The following PLAAT1 variants were observed in gnomAD, a reference collection of about 807,000 sequenced individuals.
PLAAT1 encodes the protein phospholipase A and acyltransferase 1.
A neutral mutation model predicts 16.4 loss-of-function variants in PLAAT1; 13 were observed. The ratio of observed to expected loss-of-function variants is 0.79; its 90% CI spans 0.52 to 1.26. The LOEUF (loss-of-function observed/expected upper bound fraction) is 1.26, where lower values mean the gene tolerates loss of function less well. Ranked by LOEUF, PLAAT1 falls within the 50% of genes most tolerant of loss-of-function variation. The pLI is 0.00. For synonymous variants in PLAAT1, 73 were observed against 78.4 expected, an observed-to-expected ratio of 0.93 and a Z score of 0.36; for missense variants, 218 against 207.8, an observed-to-expected ratio of 1.05 and a Z score of -0.30.
downstream of PLAAT1, chr3:193,281,061 A>C: frequency 3.2e-6 from 1 of 310,408 alleles, no homozygotes; most frequent in Non-Finnish European, 4.7e-6. Context: ...AGCACGTCTC[A>C]GAAGTGCTTG....
At chr3:193,261,935 A>G (rs1716597948) in intron 2 of PLAAT1, among the ~76,000 whole-genome samples, 1 of 152,164 alleles carries the variant, frequency 6.6e-6, no homozygotes, top group Admixed American at 6.5e-5. Context: ...TCACTGGAAC[A>G]TCTCACATTC....
downstream of PLAAT1, chr3:193,281,255 G>T: frequency 2.1e-6 from 2 of 975,592 alleles, no homozygotes; most frequent in Non-Finnish European, 2.4e-6. Context: ...CTGTTCTGAT[G>T]AAGTCCTAGA....
Position 193,255,784 on chromosome 3 carries a change from CT to C in PLAAT1, c.135del (p.Val46Ter). ...LGDGYVINIAPVDGIPASFTS... is the reference protein window; with the variant it reads ...LGDGYVINIAXVDGIPASFTS... ...GATGGTTACGTTATCAACATAGCAC[CT>C]GTAGGTGAGGTTTATTTCCAGTGGC... On this transcript the variant is annotated frameshift_variant, in exon 2 of 4. Transcript: ENST00000264735. LOFTEE classifies it high-confidence loss of function. 6.3e-7 allele frequency: 1 copy of C among 1,589,790 alleles called. No individual in the cohort carries two copies. Among genetic ancestry groups the C allele is most frequent in the Non-Finnish European group, 8.6e-7 (1 of 1,166,100 alleles).
At chr3:193,260,696 AC>A (rs1190193732) in intron 2 of PLAAT1, among the ~76,000 whole-genome samples, 3 of 151,736 alleles carry the variant, frequency 2.0e-5, no homozygotes, top group African/African-American at 7.3e-5. Flanking sequence ...AAAAAAAAAA[AC>A]AGATGCTGGT....
chr3:193,244,229 A>G (rs564093520), intron 1 of PLAAT1, among the ~76,000 whole-genome samples: 3 of 152,096 alleles, frequency 2.0e-5, no homozygotes, highest in South Asian at 2.1e-4. Context: ...ATAAATCTTC[A>G]TTGTCTTTAT....
downstream of PLAAT1, among the ~76,000 whole-genome samples, chr3:193,279,706 G>T (rs933958820): frequency 6.6e-6 from 1 of 152,116 alleles, no homozygotes; most frequent in African/African-American, 2.4e-5. Flanking sequence ...TAAAGCAGCT[G>T]CCCTGGTGCA....
At chr3:193,252,591 A>G (rs991454905) in intron 1 of PLAAT1, among the ~76,000 whole-genome samples, 31 of 152,154 alleles carry the variant, frequency 2.0e-4, no homozygotes, top group African/African-American at 6.8e-4. Context: ...CCTGGTAAGG[A>G]TCATACTTTT....
chr3:193,258,663 T>G (rs1023213543), intron 2 of PLAAT1, among the ~76,000 whole-genome samples: 2 of 152,032 alleles, frequency 1.3e-5, no homozygotes, highest in African/African-American at 4.8e-5. Context: ...ATGGACAAAT[T>G]TTGAAACATA....
downstream of PLAAT1, among the ~76,000 whole-genome samples, chr3:193,280,243 T>TG (rs35173525): frequency 6.6e-6 from 1 of 152,010 alleles, no homozygotes; most frequent in Non-Finnish European, 1.5e-5. Flanking sequence ...TCCATAGAGA[T>TG]GGGGTTTCAC....
intron 2 of PLAAT1, among the ~76,000 whole-genome samples, chr3:193,260,924 A>G (rs796833420): frequency 1.2e-4 from 19 of 152,352 alleles, no homozygotes; most frequent in African/African-American, 4.6e-4. Context: ...TTATTTGCAT[A>G]GGAAGGACAT....
intron 2 of PLAAT1, among the ~76,000 whole-genome samples, chr3:193,258,501 A>C (rs150460142): frequency 4.8e-4 from 73 of 152,288 alleles, no homozygotes; most frequent in African/African-American, 1.7e-3. Context: ...TGATTGATAG[A>C]TTGCTATCTA....
chr3:193,241,151 C>T, upstream of PLAAT1: 2 of 1,163,678 alleles, frequency 1.7e-6, no homozygotes, highest in Non-Finnish European at 2.1e-6. Flanking sequence ...CGAAGCTGGG[C>T]TCGGGGCCAA....
At chr3:193,262,543 G>GTTATTAGTA (rs1716623705) in intron 2 of PLAAT1, among the ~76,000 whole-genome samples, 2 of 152,036 alleles carry the variant, frequency 1.3e-5, no homozygotes, top group Non-Finnish European at 2.9e-5. Context: ...TAATAACAGT[G>GTTATTAGTA]TACCCTACAG....
intron 1 of PLAAT1, among the ~76,000 whole-genome samples, chr3:193,252,615 G>A (rs977050727): frequency 3.3e-5 from 5 of 151,888 alleles, no homozygotes; most frequent in African/African-American, 1.2e-4. Context: ...ATCAAGTCTG[G>A]GAACTCTTTG....
intron 2 of PLAAT1, chr3:193,276,616 T>C (rs946999867): frequency 3.9e-5 from 25 of 640,368 alleles, no homozygotes; most frequent in Admixed American, 3.4e-4. Flanking sequence ...CAAAAGAATA[T>C]GTACCATTTT....
Position 193,255,740 on chromosome 3 carries a change from C to A in PLAAT1, c.90C>A (p.His30Gln), listed in dbSNP as rs753108985. The change falls in exon 2 of 4, where the codon CAC becomes CAA. Residue 30 changes from histidine to glutamine, a missense_variant. Coordinates refer to ENST00000264735, the MANE Select transcript of PLAAT1 (RefSeq NM_020386.5). Reference protein sequence around the residue: ...LIEVFRPGYQHWALYLGDGYV... With the variant: ...LIEVFRPGYQQWALYLGDGYV... Reference sequence around the variant, plus strand: ...AAGTGTTCCGTCCTGGCTATCAGCACTGGGCCCTGTACTTGGGTGATGGTT... The same window carrying A: ...AAGTGTTCCGTCCTGGCTATCAGCAATGGGCCCTGTACTTGGGTGATGGTT... 6 of 1,613,018 alleles carry A rather than the reference C, an allele frequency of 3.7e-6. No homozygotes were observed. The Admixed American group carries it at 8.3e-5, about 22-fold the overall frequency.
chr3:193,270,787 T>C lies in PLAAT1; in HGVS notation c.*82T>C. 2 of 1,505,074 alleles carry C rather than the reference T, an allele frequency of 1.3e-6. No individual in the cohort carries two copies. Among genetic ancestry groups the C allele is most frequent in the Non-Finnish European group, 1.8e-6 (2 of 1,124,178 alleles). The allele number at this position is 1,505,074 out of a possible 1,614,324, so 93.2% of individuals were successfully genotyped here. ...GGGGTGAATACTTATTTTCAGTGCA[T>C]CATTACTGTTCCAGATTCCTATGAT... On this transcript the variant is annotated 3_prime_UTR_variant, in exon 4 of 4. Coordinates refer to ENST00000264735, the MANE Select transcript of PLAAT1 (RefSeq NM_020386.5).
chr3:193,270,673 T>C lies in PLAAT1; in HGVS notation c.475T>C (p.Phe159Leu). The stretch of plus-strand genomic sequence containing the variant: ...TGGTGTCTTCTCATTCCTGGGCTTG[T>C]TTCCAAAAGGACAAAGAGCAAAATA... Reference protein sequence around the residue: ...AVGVFSFLGLFPKGQRAKYY With the variant: ...AVGVFSFLGLLPKGQRAKYY Residue 159 changes from phenylalanine (F) to leucine (L), a missense_variant, in exon 4 of 4, where the codon TTT (phenylalanine) becomes CTT (leucine). Coordinates refer to ENST00000264735, the MANE Select transcript of PLAAT1 (RefSeq NM_020386.5). 1 of 1,613,600 alleles carries C rather than the reference T, an allele frequency of 6.2e-7. No homozygotes were observed. Among genetic ancestry groups the C allele is most frequent in the Non-Finnish European group, 8.5e-7 (1 of 1,179,628 alleles).
intron 1 of PLAAT1, among the ~76,000 whole-genome samples, chr3:193,254,878 T>C (rs1716317932): frequency 6.6e-6 from 1 of 152,220 alleles, no homozygotes; most frequent in Non-Finnish European, 1.5e-5. Context: ...CATGCTACAC[T>C]ACACAGTATA....
Sources: gnomAD v4.1 joint callset for allele counts (sites outside exome capture counted in the v4.1 genomes callset) on GRCh38, gnomAD v4.1.1 for gene constraint, MANE v1.5 for transcripts, NCBI Gene and HGNC (gene_info 2026-07-23, HGNC 2026-07-21) for gene names.